The following HYCC1 variants were observed in gnomAD, a reference collection of about 807,000 sequenced individuals.
HYCC1 encodes the protein hyccin PI4KA lipid kinase complex subunit 1, also known as hyccin.
chr7:22,953,980 T>C, the HYCC1 span, among the ~76,000 whole-genome samples: 2 of 151,760 alleles, frequency 1.3e-5, no homozygotes, highest in African/African-American at 4.8e-5. Flanking sequence ...AAATTTTTAA[T>C]TGCCGATGTA....
At chr7:22,976,931 C>T in the HYCC1 span, 1 of 647,894 alleles carries the variant, frequency 1.5e-6, no homozygotes, top group Non-Finnish European at 2.7e-6. Flanking sequence ...CATATTTAGG[C>T]TGCCTACCAA....
chr7:22,946,094 C>G, the HYCC1 span: 1 of 1,613,436 alleles, frequency 6.2e-7, no homozygotes, highest in Non-Finnish European at 8.5e-7. Flanking sequence ...AGACGCAGCC[C>G]TGGAATAAAA....
chr7:22,962,840 G>A, the HYCC1 span, among the ~76,000 whole-genome samples: 1 of 150,932 alleles, frequency 6.6e-6, no homozygotes, highest in Non-Finnish European at 1.5e-5. Flanking sequence ...TACTGCTGGA[G>A]GAAGGGGTGA....
the HYCC1 span, chr7:22,934,206 C>CTTTTTTTTTTT: frequency 4.0e-4 from 40 of 100,156 alleles, no homozygotes; most frequent in East Asian, 9.6e-4. Context: ...TCTTTTTTTT[C>CTTTTTTTTTTT]TTTTTTTTTT....
chr7:23,014,056 C>G, the HYCC1 span: 10 of 470,792 alleles, frequency 2.1e-5, no homozygotes, highest in South Asian at 1.2e-4. Context: ...GAACGGGTCC[C>G]GGTGAGCCAT....
At chr7:22,989,522 A>G in the HYCC1 span, among the ~76,000 whole-genome samples, 1 of 96,278 alleles carries the variant, frequency 1.0e-5, no homozygotes, top group African/African-American at 3.8e-5. Flanking sequence ...TAATTTATTT[A>G]TTTATTTTTT....
At chr7:23,006,295 C>T in the HYCC1 span, among the ~76,000 whole-genome samples, 1 of 151,878 alleles carries the variant, frequency 6.6e-6, no homozygotes, top group Non-Finnish European at 1.5e-5. Flanking sequence ...GAGATGGAGT[C>T]TCGCTCTGTG....
chr7:22,897,610 T>C, the HYCC1 span, among the ~76,000 whole-genome samples: 9 of 152,052 alleles, frequency 5.9e-5, no homozygotes. Flanking sequence ...AATAACAGTG[T>C]TAGCATTCTT....
chr7:22,899,501 A>G, the HYCC1 span, among the ~76,000 whole-genome samples: 1 of 152,226 alleles, frequency 6.6e-6, no homozygotes, highest in Non-Finnish European at 1.5e-5. Flanking sequence ...CAAGTTGCTA[A>G]TGAGGCAGAA....
At chr7:22,980,508 C>A in the HYCC1 span, among the ~76,000 whole-genome samples, 2 of 152,000 alleles carry the variant, frequency 1.3e-5, no homozygotes, top group African/African-American at 4.8e-5. Flanking sequence ...AGTCTGTATC[C>A]TAAGAGAGAT....
the HYCC1 span, among the ~76,000 whole-genome samples, chr7:22,916,717 T>C: frequency 6.6e-6 from 1 of 152,208 alleles, no homozygotes; most frequent in African/African-American, 2.4e-5. Context: ...TGATGGCAGT[T>C]CTACCAGGCC....
the HYCC1 span, among the ~76,000 whole-genome samples, chr7:22,969,412 C>T: frequency 4.5e-4 from 68 of 151,868 alleles, 1 homozygote; most frequent in Non-Finnish European, 4.1e-4. Context: ...GTGATCCACC[C>T]GCCGTGGCCT....
the HYCC1 span, among the ~76,000 whole-genome samples, chr7:22,958,243 A>T: frequency 6.6e-6 from 1 of 152,182 alleles, no homozygotes; most frequent in Non-Finnish European, 1.5e-5. Context: ...GAAAGCCAAG[A>T]CTACCCTAAA....
chr7:22,950,732 G>C, the HYCC1 span, among the ~76,000 whole-genome samples: 2 of 151,834 alleles, frequency 1.3e-5, no homozygotes, highest in Non-Finnish European at 2.9e-5. Flanking sequence ...ATGTTATCCA[G>C]AGGATGGCAT....
At chr7:23,006,533 C>G in the HYCC1 span, among the ~76,000 whole-genome samples, 1 of 152,174 alleles carries the variant, frequency 6.6e-6, no homozygotes, top group Non-Finnish European at 1.5e-5. Context: ...TCCCAAAGTG[C>G]TGGGATTACA....
At chr7:22,969,367 T>C in the HYCC1 span, among the ~76,000 whole-genome samples, 54 of 152,054 alleles carry the variant, frequency 3.6e-4, 2 homozygotes, top group South Asian at 1.0e-3. Context: ...GGTTTCACCA[T>C]GTTGGCCAGG....
the HYCC1 span, among the ~76,000 whole-genome samples, chr7:23,010,613 T>A: frequency 1.3e-5 from 2 of 152,188 alleles, no homozygotes; most frequent in Non-Finnish European, 2.9e-5. Flanking sequence ...ATATGTCAAA[T>A]ATCAAATTGT....
chr7:22,935,103 GTCT>G, the HYCC1 span: 4 of 152,188 alleles, frequency 2.6e-5, no homozygotes, highest in African/African-American at 9.7e-5. Flanking sequence ...CTGGCGTTTT[GTCT>G]TCTAGAGTCC....
At chr7:22,990,836 A>G in the HYCC1 span, among the ~76,000 whole-genome samples, 1 of 152,236 alleles carries the variant, frequency 6.6e-6, no homozygotes, top group Non-Finnish European at 1.5e-5. Flanking sequence ...TGAAAGAAAG[A>G]AAATAAACAA....
Sources: allele counts gnomAD v4.1 joint callset (sites outside exome capture counted in the v4.1 genomes callset), GRCh38; gene constraint gnomAD v4.1.1; transcripts MANE v1.5; gene names NCBI Gene and HGNC (gene_info 2026-07-23, HGNC 2026-07-21).